SYNDIG1: variants seen among roughly 807,000 people sequenced by gnomAD.
SYNDIG1 encodes synapse differentiation inducing 1.
SYNDIG1 carries 9 observed loss-of-function variants against 19.4 expected under a neutral mutation model. That is an observed-to-expected ratio of 0.46 (90% CI 0.28 to 0.81). SYNDIG1 has a LOEUF of 0.81. SYNDIG1 is among the 30% of genes least tolerant of loss of function. The pLI, the probability that SYNDIG1 is intolerant of heterozygous loss-of-function variation, is 0.12. For missense variants in SYNDIG1, 311 were observed against 343.3 expected, an observed-to-expected ratio of 0.91 and a Z score of 0.74; for synonymous variants, 141 against 145.9, an observed-to-expected ratio of 0.97 and a Z score of 0.24.
At chr20:24,579,740 C>T (rs1294825423) in intron 2 of SYNDIG1, among the ~76,000 whole-genome samples, 1 of 152,140 alleles carries the variant, frequency 6.6e-6, no homozygotes, top group African/African-American at 2.4e-5. Flanking sequence ...CCATTGGGAC[C>T]GCCACCCTTG....
At chr20:24,586,614 A>G (rs1350149580) in intron 3 of SYNDIG1, among the ~76,000 whole-genome samples, 1 of 152,226 alleles carries the variant, frequency 6.6e-6, no homozygotes, top group African/African-American at 2.4e-5. Context: ...GGAGCTGGAC[A>G]GGTGACATCA....
chr20:24,569,643 A>G (rs951204792), intron 2 of SYNDIG1, among the ~76,000 whole-genome samples: 6 of 152,198 alleles, frequency 3.9e-5, no homozygotes, highest in African/African-American at 1.2e-4. Context: ...ATCAAAACCA[A>G]AAACCCCAGC....
intron 1 of SYNDIG1, among the ~76,000 whole-genome samples, chr20:24,485,393 C>T (rs1413983368): frequency 6.6e-6 from 1 of 152,178 alleles, no homozygotes; most frequent in Non-Finnish European, 1.5e-5. Flanking sequence ...ATGCATTTGT[C>T]ATTACGTAAG....
At chr20:24,479,430 A>T (rs2055732620) in intron 1 of SYNDIG1, among the ~76,000 whole-genome samples, 1 of 151,754 alleles carries the variant, frequency 6.6e-6, no homozygotes, top group East Asian at 1.9e-4. Flanking sequence ...CCTACCCCTT[A>T]CCCAAGGCCA....
intron 1 of SYNDIG1, among the ~76,000 whole-genome samples, chr20:24,484,807 A>G (rs1221624375): frequency 6.6e-6 from 1 of 152,146 alleles, no homozygotes; most frequent in Non-Finnish European, 1.5e-5. Flanking sequence ...CTAGAGTGCT[A>G]TGGCTTGAGT....
chr20:24,541,424 G>GTT (rs1350612257), intron 1 of SYNDIG1, among the ~76,000 whole-genome samples: 2 of 152,224 alleles, frequency 1.3e-5, no homozygotes, highest in African/African-American at 4.8e-5. Context: ...TCTTACAATA[G>GTT]TGTTATAGAA....
intron 3 of SYNDIG1, among the ~76,000 whole-genome samples, chr20:24,637,470 G>A (rs531474822): frequency 6.6e-6 from 1 of 152,272 alleles, no homozygotes; most frequent in African/African-American, 2.4e-5. Context: ...TCAGCCCTCA[G>A]AGGTCCCACC....
At chr20:24,485,699 A>G (rs1285771901) in intron 1 of SYNDIG1, among the ~76,000 whole-genome samples, 1 of 152,240 alleles carries the variant, frequency 6.6e-6, no homozygotes, top group Non-Finnish European at 1.5e-5. Flanking sequence ...AACAAATGAC[A>G]GAAGACTGAA....
chr20:24,470,236 G>T (rs1309511301), intron 1 of SYNDIG1, among the ~76,000 whole-genome samples: 2 of 152,204 alleles, frequency 1.3e-5, no homozygotes, highest in East Asian at 1.9e-4. Context: ...CAGGGCTGGT[G>T]AGCCGGGCGG....
At chr20:24,528,811 A>G (rs1321034365) in intron 1 of SYNDIG1, among the ~76,000 whole-genome samples, 2 of 152,206 alleles carry the variant, frequency 1.3e-5, no homozygotes, top group South Asian at 2.1e-4. Context: ...GAGACTATCC[A>G]TGGGCATTTT....
chr20:24,478,287 G>A (rs903238060), intron 1 of SYNDIG1, among the ~76,000 whole-genome samples: 2 of 152,224 alleles, frequency 1.3e-5, no homozygotes, highest in African/African-American at 2.4e-5. Context: ...GAGTGGCAGC[G>A]CCAGGCAGGG....
At chr20:24,475,433 T>C (rs1316449884) in intron 1 of SYNDIG1, among the ~76,000 whole-genome samples, 1 of 152,252 alleles carries the variant, frequency 6.6e-6, no homozygotes, top group Non-Finnish European at 1.5e-5. Flanking sequence ...ATCACCCATG[T>C]GTCTCCCTTA....
intron 1 of SYNDIG1, among the ~76,000 whole-genome samples, chr20:24,478,854 GCAT>G (rs2055709654): frequency 6.6e-6 from 1 of 152,196 alleles, no homozygotes; most frequent in Non-Finnish European, 1.5e-5. Context: ...AGGGGAAGCT[GCAT>G]TCCTGTAATG....
intron 3 of SYNDIG1, among the ~76,000 whole-genome samples, chr20:24,625,357 C>T (rs1194486285): frequency 2.0e-5 from 3 of 149,228 alleles, no homozygotes; most frequent in South Asian, 2.1e-4. Flanking sequence ...GAAAGAAAGA[C>T]GGGCCATCAC....
chr20:24,479,545 TACTC>T (rs2055736233), intron 1 of SYNDIG1, among the ~76,000 whole-genome samples: 1 of 152,094 alleles, frequency 6.6e-6, no homozygotes. Flanking sequence ...CTGATAATGA[TACTC>T]AGTAACCCAG....
At chr20:24,612,207 C>A (rs1049556933) in intron 3 of SYNDIG1, among the ~76,000 whole-genome samples, 3 of 152,216 alleles carry the variant, frequency 2.0e-5, no homozygotes, top group African/African-American at 7.2e-5. Flanking sequence ...AGCACGGACG[C>A]CTCCCAAGAC....
chr20:24,603,552 T>A (rs2147135083), intron 3 of SYNDIG1, among the ~76,000 whole-genome samples: 1 of 152,264 alleles, frequency 6.6e-6, no homozygotes, highest in Middle Eastern at 3.4e-3. Context: ...ATCGCAGGAC[T>A]TCAGCTGTAT....
chr20:24,641,704 G>A (rs2059378707), intron 3 of SYNDIG1, among the ~76,000 whole-genome samples: 1 of 152,240 alleles, frequency 6.6e-6, no homozygotes, highest in Admixed American at 6.5e-5. Flanking sequence ...TACCAAAGCT[G>A]TGCCCTGCCC....
At chr20:24,480,842 A>G (rs989354642) in intron 1 of SYNDIG1, among the ~76,000 whole-genome samples, 1 of 152,234 alleles carries the variant, frequency 6.6e-6, no homozygotes, top group Non-Finnish European at 1.5e-5. Context: ...ATGAACCCTG[A>G]GGACACTATG....
Sources: gnomAD v4.1 joint callset for allele counts (sites outside exome capture counted in the v4.1 genomes callset) on GRCh38, gnomAD v4.1.1 for gene constraint, MANE v1.5 for transcripts, NCBI Gene and HGNC (gene_info 2026-07-23, HGNC 2026-07-21) for gene names.